The following CCNY variants were observed in gnomAD, a reference collection of about 807,000 sequenced individuals.
CCNY encodes the protein cyclin-Y.
Under a neutral mutation model 42.8 loss-of-function variants are expected in CCNY, and 19 were observed. That is an observed-to-expected ratio of 0.44 (90% CI 0.31 to 0.65). CCNY has a LOEUF of 0.65. Among genes scored for constraint, CCNY ranks in the 30% least tolerant of loss-of-function variants. CCNY has a pLI of 0.07. For synonymous variants in CCNY, 165 were observed against 162.7 expected (o/e 1.01, Z -0.11); for missense variants, 370 against 437.3 (o/e 0.85, Z 1.37).
At chr10:35,518,218 G>A (rs187231091) in intron 4 of CCNY, among the ~76,000 whole-genome samples, 1 of 152,154 alleles carries the variant, frequency 6.6e-6, no homozygotes, top group African/African-American at 2.4e-5. Context: ...ATAGTTCATC[G>A]GTCAACTCTA....
chr10:35,288,663 G>A (rs1337626616), intron 3 of CCNY, among the ~76,000 whole-genome samples: 1 of 152,142 alleles, frequency 6.6e-6, no homozygotes, highest in African/African-American at 2.4e-5. Context: ...GTTTAGTGAC[G>A]TTAAGCGTCA....
chr10:35,489,736 T>C lies in CCNY; in HGVS notation c.229+6258T>C, dbSNP rs180842994. The stretch of plus-strand genomic sequence containing the variant: ...AATAATTCCTAATAATCAGCTACAG[T>C]TCAGTTTTGTTCTCCTTCTATTTTA... On this transcript the variant is annotated intron_variant, in intron 2 of 9. Transcript: ENST00000374704. 4.6e-5 allele frequency among the ~76,000 whole-genome samples: 7 copies of C among 152,170 alleles called. No individual in the cohort carries two copies. In the East Asian group the frequency reaches 1.3e-3, roughly 29 times the overall value.
chr10:35,548,034 C>T (rs1841153376), intron 7 of CCNY, among the ~76,000 whole-genome samples: 1 of 151,992 alleles, frequency 6.6e-6, no homozygotes, highest in South Asian at 2.1e-4. Context: ...CTCCACTTGA[C>T]CCATGAACAA....
chr10:35,455,820 TTTTTTAA>T (rs1247109496), intron 1 of CCNY, among the ~76,000 whole-genome samples: 7 of 134,856 alleles, frequency 5.2e-5, no homozygotes, highest in South Asian at 2.5e-4. Flanking sequence ...TTTTTTTTTT[TTTTTTAA>T]AAAAAGAAAA....
intron 7 of CCNY, among the ~76,000 whole-genome samples, chr10:35,549,342 C>T (rs1315746860): frequency 6.6e-6 from 1 of 152,146 alleles, no homozygotes; most frequent in Non-Finnish European, 1.5e-5. Context: ...TGACCCTATG[C>T]TGTATGTGAC....
chr10:35,482,800 GTT>G (rs1491368112), intron 1 of CCNY, among the ~76,000 whole-genome samples: 14 of 136,606 alleles, frequency 1.0e-4, no homozygotes, highest in Non-Finnish European at 1.7e-4. Flanking sequence ...GTGTGTGTGT[GTT>G]ATGTGTTTGA....
Position 35,281,784 on chromosome 10 carries a change from G to A in CCNY, c.-9+31158G>A, listed in dbSNP as rs548650007. On this transcript the variant is annotated intron_variant, in intron 3 of 11. Transcript: ENST00000374706. ...GGGAGGAACTACTGATACATGCTAC[G>A]GCATGGATGAGATTATTAAAATGTT... is the stretch of plus-strand genomic sequence containing the variant. Among the ~76,000 whole-genome samples the A allele has an allele frequency of 5.6e-3, 849 of 152,220 alleles. 2 individuals carry two copies. The highest frequency in any genetic ancestry group is 9.2e-3 in the Non-Finnish European group (626 of 68,004).
chr10:35,528,766 G>A (rs1840704357), intron 5 of CCNY, among the ~76,000 whole-genome samples: 1 of 152,180 alleles, frequency 6.6e-6, no homozygotes, highest in African/African-American at 2.4e-5. Context: ...ATGTAGGAAT[G>A]AAAATTGAGC....
chr10:35,354,153 A>G (rs1564379112), intron 1 of CCNY, among the ~76,000 whole-genome samples: 1 of 151,256 alleles, frequency 6.6e-6, no homozygotes, highest in Non-Finnish European at 1.5e-5. Context: ...AGAGACCAAG[A>G]GAGACCCACA....
intron 1 of CCNY, among the ~76,000 whole-genome samples, chr10:35,349,414 C>T (rs1158299035): frequency 6.6e-6 from 1 of 152,164 alleles, no homozygotes; most frequent in East Asian, 1.9e-4. Context: ...CATTTCCCTG[C>T]CCTCTTTGTC....
In CCNY at chr10:35,465,934, AGAGAGT is replaced by A. The variant is rs1483268776; in HGVS notation, c.155-17468_155-17463del. On this transcript the variant is annotated intron_variant, in intron 1 of 9. Transcript: ENST00000374704. ...GAGAGAGAGAGAGAGAGAGAGAGAG[AGAGAGT>A]GTGTGTGTGTGTGTGTGTGTCTGTG... Among the ~76,000 whole-genome samples, 27 of 85,542 alleles carry A rather than the reference AGAGAGT, an allele frequency of 3.2e-4. 1 individual carries two copies. The highest frequency in any genetic ancestry group is 7.8e-4 in the East Asian group (2 of 2,574). The allele number at this position is 85,542 out of a possible 152,430, so 56.1% of individuals were successfully genotyped here. A position where few individuals can be genotyped will look rare whatever the true frequency, so the allele number is the denominator to read the frequency against.
intron 2 of CCNY, among the ~76,000 whole-genome samples, chr10:35,498,476 G>A (rs36005789): frequency 0.03 from 4,578 of 152,186 alleles, 98 homozygotes; most frequent in Non-Finnish European, 0.044. Context: ...GCACAGCGGA[G>A]TCCCACCCCA....
chr10:35,554,907 G>T (rs1841332272), intron 8 of CCNY, among the ~76,000 whole-genome samples: 1 of 152,200 alleles, frequency 6.6e-6, no homozygotes. Flanking sequence ...AGGTGTGGAG[G>T]AGATGCCTTT....
rs557656519 is a variant in CCNY at position 35,456,154 on chromosome 10, CAT to C, written c.155-27249_155-27248del. ...TGGTGTGTGTGTAATTGCACTCACA[CAT>C]GTGTTCAAGGTTGTAAAGTTGTGTT... On this transcript the variant is annotated intron_variant, in intron 1 of 9. Transcript: ENST00000374704. Among the ~76,000 whole-genome samples the C allele has an allele frequency of 3.5e-3, 528 of 152,230 alleles. 16 individuals carry two copies. Among genetic ancestry groups the C allele is most frequent in the Admixed American group, 0.027 (416 of 15,292 alleles).
chr10:35,516,529 C>T lies in CCNY; in HGVS notation c.271C>T (p.Pro91Ser), dbSNP rs754147820. The change falls in exon 4 of 10, where the codon CCA becomes TCA. Residue 91 changes from proline to serine, a missense_variant. Transcript: ENST00000374704. ...RKSLFINHHP[P>S]GQIARKYSSC... is the part of the protein sequence containing the mutation. ...TCTTGCTGTTGTTTTCTAGCATCCT[C>T]CAGGACAAATAGCAAGGAAATACAG... 3.7e-6 allele frequency: 6 copies of T among 1,612,324 alleles called. No individual in the cohort carries two copies.
Position 35,530,801 on chromosome 10 carries a change from A to G in CCNY, c.579+558A>G, listed in dbSNP as rs1484040228. On this transcript the variant is annotated intron_variant, in intron 7 of 9. Transcript: ENST00000374704. The surrounding 1 kb of genome is among the most constrained non-coding windows in gnomAD (Gnocchi z 4.3). ...AAATTTGTTTTTACAGCTGGGCTCC[A>G]TGGCTCACGTCAGTAATTTCAGCAC... Among the ~76,000 whole-genome samples the G allele has an allele frequency of 1.3e-5, 2 of 152,220 alleles. No homozygotes were observed. Among genetic ancestry groups the G allele is most frequent in the Admixed American group, 6.5e-5 (1 of 15,282 alleles).
intron 1 of CCNY, among the ~76,000 whole-genome samples, chr10:35,429,542 A>C (rs1838339394): frequency 6.6e-6 from 1 of 152,202 alleles, no homozygotes; most frequent in South Asian, 2.1e-4. Context: ...AGGGTTTGTG[A>C]TAGTAGGCAA....
At chr10:35,415,504 GGAGAT>G in intron 1 of CCNY, among the ~76,000 whole-genome samples, 1 of 151,996 alleles carries the variant, frequency 6.6e-6, no homozygotes, top group Middle Eastern at 3.4e-3. Flanking sequence ...GACTCTCAGA[GGAGAT>G]GGAGCTGGGT....
At chr10:35,541,339 C>A (rs1840996406) in intron 7 of CCNY, among the ~76,000 whole-genome samples, 1 of 152,060 alleles carries the variant, frequency 6.6e-6, no homozygotes, top group African/African-American at 2.4e-5. Context: ...ATATAATGTA[C>A]ATAATTTAGT....
Sources: allele counts gnomAD v4.1 joint callset (sites outside exome capture counted in the v4.1 genomes callset), GRCh38; gene constraint gnomAD v4.1.1; non-coding constraint Gnocchi (gnomAD v3.1); transcripts MANE v1.5; gene names NCBI Gene and HGNC (gene_info 2026-07-23, HGNC 2026-07-21).